Variants in GRK5 observed in about 807,000 individuals in gnomAD.
GRK5 encodes g protein-coupled receptor kinase GRK5.
In GRK5, 40 loss-of-function variants were observed where a neutral mutation model predicts 78.4. The observed-to-expected ratio is 0.51, with a 90% confidence interval of 0.40 to 0.66. The LOEUF (loss-of-function observed/expected upper bound fraction) is 0.66, where lower values mean the gene tolerates loss of function less well. Among genes scored for constraint, GRK5 ranks in the 30% least tolerant of loss-of-function variants. The pLI is 0.00. For missense variants in GRK5, 598 were observed against 759.9 expected (o/e 0.79, Z 2.50); for synonymous variants, 289 against 296.8 (o/e 0.97, Z 0.27).
chr10:119,304,941 C>T (rs1379692730), intron 1 of GRK5, among the ~76,000 whole-genome samples: 1 of 152,110 alleles, frequency 6.6e-6, no homozygotes, highest in East Asian at 1.9e-4. Context: ...TCTTCCCTTC[C>T]TTCTTCCCTA....
At chr10:119,437,151 C>T (rs1188127494) in intron 9 of GRK5, among the ~76,000 whole-genome samples, 1 of 152,236 alleles carries the variant, frequency 6.6e-6, no homozygotes, top group Non-Finnish European at 1.5e-5. Context: ...CCACTGCTCC[C>T]TCCAGTTGCC....
At chr10:119,397,899 TC>T (rs1404718178) in intron 4 of GRK5, among the ~76,000 whole-genome samples, 4 of 152,358 alleles carry the variant, frequency 2.6e-5, no homozygotes, top group African/African-American at 4.8e-5. Context: ...CCTTGTTGCC[TC>T]CCCTTGCTGT....
chr10:119,338,336 T>G (rs1344765800), intron 2 of GRK5, among the ~76,000 whole-genome samples: 1 of 152,204 alleles, frequency 6.6e-6, no homozygotes, highest in Non-Finnish European at 1.5e-5. Context: ...GGTTAAGTCA[T>G]AGTAATTGGT....
chr10:119,397,925 C>T (rs1367212924), intron 4 of GRK5, among the ~76,000 whole-genome samples: 2 of 152,258 alleles, frequency 1.3e-5, no homozygotes, highest in Non-Finnish European at 2.9e-5. Flanking sequence ...CTGCTGCATC[C>T]ATCATAATCC....
At chr10:119,258,615 T>C (rs577615692) in intron 1 of GRK5, among the ~76,000 whole-genome samples, 1 of 152,352 alleles carries the variant, frequency 6.6e-6, no homozygotes, top group East Asian at 1.9e-4. Context: ...AATATGGGCT[T>C]GGCGTTTTAA....
chr10:119,343,375 T>C (rs1347766289), intron 2 of GRK5, among the ~76,000 whole-genome samples: 2 of 152,204 alleles, frequency 1.3e-5, no homozygotes, highest in Admixed American at 6.5e-5. Flanking sequence ...CTATGTGCTT[T>C]GCAGACACAC....
Position 119,412,467 on chromosome 10 carries a change from C to T in GRK5, c.340-10699C>T, listed in dbSNP as rs781678858. ...GGACAGGCCACGAGCCCGCACAGCT[C>T]GTGAGCGTGTGGCCGGACTGATTTA... On this transcript the variant is annotated intron_variant, in intron 4 of 15. Transcript: ENST00000392870. This position sits in a 1 kb window ranked among gnomAD's most constrained non-coding sequence, Gnocchi z 4.3. 2.3e-4 allele frequency among the ~76,000 whole-genome samples: 35 copies of T among 152,176 alleles called. No homozygotes were observed. The highest frequency in any genetic ancestry group is 4.4e-4 in the Non-Finnish European group (30 of 68,036).
intron 1 of GRK5, among the ~76,000 whole-genome samples, chr10:119,282,724 G>A (rs954249171): frequency 1.3e-5 from 2 of 152,232 alleles, no homozygotes; most frequent in Non-Finnish European, 2.9e-5. Flanking sequence ...TACCTGGAGT[G>A]GAGGTGAGAT....
At chr10:119,250,618 G>A (rs1849184218) in intron 1 of GRK5, among the ~76,000 whole-genome samples, 1 of 151,198 alleles carries the variant, frequency 6.6e-6, no homozygotes, top group Admixed American at 6.6e-5. Flanking sequence ...CAAAGTGCTG[G>A]GATTACAGGC....
chr10:119,288,006 C>T (rs534172978), intron 1 of GRK5, among the ~76,000 whole-genome samples: 12 of 152,366 alleles, frequency 7.9e-5, no homozygotes, highest in African/African-American at 2.9e-4. Context: ...CCTCTCTGGA[C>T]TGGACGGTCC....
intron 4 of GRK5, among the ~76,000 whole-genome samples, chr10:119,421,934 C>T (rs769748116): frequency 6.6e-6 from 1 of 152,154 alleles, no homozygotes; most frequent in Non-Finnish European, 1.5e-5. Flanking sequence ...CTGCCTCGGG[C>T]GTCCCCTCCA....
intron 3 of GRK5, among the ~76,000 whole-genome samples, chr10:119,384,810 C>T (rs1037321607): frequency 3.3e-5 from 5 of 152,148 alleles, no homozygotes; most frequent in Admixed American, 6.5e-5. Flanking sequence ...AGGCTCCTTC[C>T]TCTGCATCAT....
intron 8 of GRK5, among the ~76,000 whole-genome samples, chr10:119,433,318 C>G (rs942024603): frequency 2.6e-5 from 4 of 152,200 alleles, no homozygotes; most frequent in African/African-American, 9.6e-5. Context: ...GCAGGGACCC[C>G]TGGATGCTGC....
chr10:119,320,102 T>C (rs551286376), intron 1 of GRK5, among the ~76,000 whole-genome samples: 1 of 152,352 alleles, frequency 6.6e-6, no homozygotes, highest in African/African-American at 2.4e-5. Flanking sequence ...CAAGCATTCC[T>C]GGCAGAGAAA....
In GRK5 at chr10:119,396,167, G is replaced by A. The variant is rs1049756948; in HGVS notation, c.262-528G>A. 1.2e-4 allele frequency among the ~76,000 whole-genome samples: 18 copies of A among 152,220 alleles called. 1 individual carries two copies. The highest frequency in any genetic ancestry group is 4.3e-4 in the African/African-American group (18 of 41,454). On this transcript the variant is annotated intron_variant, in intron 3 of 15. Coordinates refer to ENST00000392870, the MANE Select transcript of GRK5 (RefSeq NM_005308.3). Reference sequence around the variant, plus strand: ...TTGATCACTTCCGTCTGTATAATCAGTGTATACCTAGGTGCTGGTACCATC... The same window carrying A: ...TTGATCACTTCCGTCTGTATAATCAATGTATACCTAGGTGCTGGTACCATC...
intron 4 of GRK5, among the ~76,000 whole-genome samples, chr10:119,403,806 G>A (rs1852190385): frequency 6.6e-6 from 1 of 151,954 alleles, no homozygotes; most frequent in African/African-American, 2.4e-5. Context: ...GCTAATTTTT[G>A]TATTGTTATT....
chr10:119,364,888 T>A (rs1364382399), intron 2 of GRK5, among the ~76,000 whole-genome samples: 1 of 152,238 alleles, frequency 6.6e-6, no homozygotes, highest in Non-Finnish European at 1.5e-5. Context: ...TGGGTTACAT[T>A]TTTAGACCAG....
At chr10:119,221,073 G>A (rs962774430) in intron 1 of GRK5, among the ~76,000 whole-genome samples, 2 of 145,564 alleles carry the variant, frequency 1.4e-5, no homozygotes, top group African/African-American at 2.6e-5. Flanking sequence ...AGAGAATGGC[G>A]TGAACCCGGG....
rs945054425 is a variant in GRK5, at chr10:119,457,703, T to A, written c.*2636T>A. ...GCTGCATTTTTTTTTTTTTTTTTTT[T>A]TGAGACAAGATCTCATTGTGTTCCC... On this transcript the variant is annotated 3_prime_UTR_variant, in exon 16 of 16. Coordinates refer to ENST00000392870, the MANE Select transcript of GRK5 (RefSeq NM_005308.3). 9.4e-6 allele frequency: 1 copy of A among 106,480 alleles called. No homozygotes were observed. Among genetic ancestry groups the A allele is most frequent in the Non-Finnish European group, 2.2e-5 (1 of 45,574 alleles). 6.6% of individuals were successfully genotyped at this position (106,480 alleles called of 1,614,324 possible).
Sources: gnomAD v4.1 joint callset for allele counts (sites outside exome capture counted in the v4.1 genomes callset) on GRCh38, gnomAD v4.1.1 for gene constraint, Gnocchi (gnomAD v3.1) non-coding constraint, MANE v1.5 for transcripts, NCBI Gene and HGNC (gene_info 2026-07-23, HGNC 2026-07-21) for gene names.